RBMS3: variants seen among roughly 807,000 people sequenced by gnomAD.
RBMS3 encodes RNA-binding motif, single-stranded-interacting protein 3.
RBMS3 carries 27 observed loss-of-function variants against 66.8 expected under a neutral mutation model. The ratio of observed to expected loss-of-function variants is 0.40; its 90% CI spans 0.30 to 0.56. RBMS3 has a LOEUF of 0.56. Ranked by LOEUF, RBMS3 falls within the 20% of genes least tolerant of loss-of-function variation. The pLI, the probability that RBMS3 is intolerant of heterozygous loss-of-function variation, is 0.40. For synonymous variants in RBMS3, 188 were observed against 183.0 expected (o/e 1.03, Z -0.22); for missense variants, 513 against 549.5 (o/e 0.93, Z 0.66).
At chr3:29,872,242 T>A (rs1559756887) in intron 7 of RBMS3, among the ~76,000 whole-genome samples, 1 of 152,116 alleles carries the variant, frequency 6.6e-6, no homozygotes. Flanking sequence ...AATTAACTCA[T>A]CATGTGCTAA....
At position 29,405,970 on chromosome 3, in the gene RBMS3, T is replaced by A. The variant is rs535354272; in HGVS notation, c.76-28773T>A. ...TTCCAACTGAACCCACACATGATTT[T>A]TCCCCTGCTGCATATCCTAATTGTT... On this transcript the variant is annotated intron_variant, in intron 1 of 14. Transcript: ENST00000383767. 4.6e-5 allele frequency among the ~76,000 whole-genome samples: 7 copies of A among 152,328 alleles called. No homozygotes were observed. The South Asian group carries it at 1.4e-3, about 32-fold the overall frequency.
chr3:29,895,080 A>G (rs996840923), intron 8 of RBMS3, among the ~76,000 whole-genome samples: 6 of 151,586 alleles, frequency 4.0e-5, no homozygotes, highest in Admixed American at 6.6e-5. Flanking sequence ...TCACATTGCA[A>G]TGGAAAGCCT....
chr3:29,421,984 G>T (rs2040758429), intron 1 of RBMS3, among the ~76,000 whole-genome samples: 1 of 152,148 alleles, frequency 6.6e-6, no homozygotes, highest in Non-Finnish European at 1.5e-5. Flanking sequence ...GGATTTATGT[G>T]ATAATAATAG....
intron 5 of RBMS3, among the ~76,000 whole-genome samples, chr3:29,745,878 TTTTCTTTC>T (rs1275663816): frequency 1.4e-5 from 2 of 141,870 alleles, no homozygotes; most frequent in Non-Finnish European, 3.1e-5. Context: ...TAATTTAAGT[TTTTCTTTC>T]TTTTCATTAA....
At chr3:29,351,634 T>C (rs2036920435) in intron 1 of RBMS3, among the ~76,000 whole-genome samples, 1 of 152,050 alleles carries the variant, frequency 6.6e-6, no homozygotes, top group African/African-American at 2.4e-5. Flanking sequence ...ATGTATTTGA[T>C]AAGGCATTGC....
At chr3:29,573,116 T>C (rs2149070011) in intron 3 of RBMS3, among the ~76,000 whole-genome samples, 1 of 152,208 alleles carries the variant, frequency 6.6e-6, no homozygotes, top group East Asian at 1.9e-4. Context: ...AAGAGCTCCT[T>C]ATTCTTTTTT....
At chr3:29,324,613 C>G (rs529024444) in intron 1 of RBMS3, among the ~76,000 whole-genome samples, 4 of 152,284 alleles carry the variant, frequency 2.6e-5, no homozygotes, top group Admixed American at 6.5e-5. Context: ...TTGTTATGCT[C>G]TCCCAGCATT....
At chr3:29,724,307 T>C (rs1453716417) in intron 4 of RBMS3, among the ~76,000 whole-genome samples, 1 of 152,222 alleles carries the variant, frequency 6.6e-6, no homozygotes, top group Non-Finnish European at 1.5e-5. Context: ...GTAGCTGTCC[T>C]CTTAAAGTGT....
At chr3:29,312,284 C>CTGTT (rs1412158498) in intron 1 of RBMS3, among the ~76,000 whole-genome samples, 1 of 92,646 alleles carries the variant, frequency 1.1e-5, no homozygotes, top group Admixed American at 9.3e-5. Context: ...TTCTAGCATT[C>CTGTT]TGTTTCTTTT....
chr3:29,752,422 A>G (rs2055223623), intron 5 of RBMS3, among the ~76,000 whole-genome samples: 1 of 152,114 alleles, frequency 6.6e-6, no homozygotes, highest in Non-Finnish European at 1.5e-5. Context: ...CATTTAGGGC[A>G]TTGGTTTTGG....
chr3:29,915,351 T>C (rs1188469951), intron 10 of RBMS3, among the ~76,000 whole-genome samples: 2 of 151,858 alleles, frequency 1.3e-5, no homozygotes, highest in African/African-American at 4.8e-5. Flanking sequence ...TTCCAATGTG[T>C]TTCCAATGGC....
chr3:29,893,658 A>G (rs1436455068), intron 8 of RBMS3, among the ~76,000 whole-genome samples: 3 of 151,666 alleles, frequency 2.0e-5, no homozygotes, highest in South Asian at 2.1e-4. Flanking sequence ...GGAATTTTCA[A>G]ATGCAAACCT....
intron 13 of RBMS3, among the ~76,000 whole-genome samples, chr3:29,988,760 GTCAGAAGGAAGA>G (rs1292244713): frequency 4.3e-4 from 65 of 152,138 alleles, no homozygotes; most frequent in Middle Eastern, 3.4e-3. Context: ...GTGAGACCCT[GTCAGAAGGAAGA>G]TCAGAAGGAA....
intron 4 of RBMS3, among the ~76,000 whole-genome samples, chr3:29,623,906 T>C (rs755771413): frequency 9.9e-5 from 15 of 152,200 alleles, no homozygotes; most frequent in Non-Finnish European, 1.5e-5. Context: ...TTTTTAAATA[T>C]ATGTCTGGCA....
At chr3:29,605,360 T>A (rs573344267) in intron 4 of RBMS3, among the ~76,000 whole-genome samples, 1 of 152,042 alleles carries the variant, frequency 6.6e-6, no homozygotes, top group African/African-American at 2.4e-5. Flanking sequence ...TGTTGTACAT[T>A]TCAATATATA....
At chr3:29,883,178 A>G (rs924687792) in intron 7 of RBMS3, among the ~76,000 whole-genome samples, 3 of 152,100 alleles carry the variant, frequency 2.0e-5, no homozygotes, top group African/African-American at 7.2e-5. Flanking sequence ...TGGTATGCCC[A>G]TATGGCCACA....
chr3:29,461,879 A>T (rs2042379710), intron 2 of RBMS3, among the ~76,000 whole-genome samples: 1 of 147,018 alleles, frequency 6.8e-6, no homozygotes. Flanking sequence ...TCAGCCTCCC[A>T]AGTAGCTGGG....
At chr3:29,840,090 A>T (rs1303903008) in intron 6 of RBMS3, among the ~76,000 whole-genome samples, 1 of 151,864 alleles carries the variant, frequency 6.6e-6, no homozygotes, top group African/African-American at 2.4e-5. Flanking sequence ...TGCACTTTTA[A>T]TATGAAACTG....
At chr3:29,695,323 A>G (rs1449997510) in intron 4 of RBMS3, among the ~76,000 whole-genome samples, 1 of 152,194 alleles carries the variant, frequency 6.6e-6, no homozygotes, top group African/African-American at 2.4e-5. Flanking sequence ...TACTAATGCT[A>G]CTGGATTTGT....
Sources: allele counts gnomAD v4.1 joint callset (sites outside exome capture counted in the v4.1 genomes callset), GRCh38; gene constraint gnomAD v4.1.1; transcripts MANE v1.5; gene names NCBI Gene and HGNC (gene_info 2026-07-23, HGNC 2026-07-21).